TET1: variants seen among roughly 807,000 people sequenced by gnomAD.
TET1 encodes the protein methylcytosine dioxygenase TET1.
Under a neutral mutation model 148.7 loss-of-function variants are expected in TET1, and 13 were observed. The ratio of observed to expected loss-of-function variants is 0.09; its 90% CI spans 0.06 to 0.14. The LOEUF (loss-of-function observed/expected upper bound fraction) is 0.14. Among genes scored for constraint, TET1 ranks in the 10% least tolerant of loss-of-function variants. The pLI is 1.00. For missense variants in TET1, 2,182 were observed against 2,553.8 expected, an observed-to-expected ratio of 0.85 and a Z score of 3.14; for synonymous variants, 907 against 937.2, an observed-to-expected ratio of 0.97 and a Z score of 0.59.
In TET1 at chr10:68,573,649, A is replaced by G; in HGVS notation, c.1311A>G (p.Pro437=). 6.2e-7 allele frequency: 1 copy of G among 1,614,146 alleles called. No homozygotes were observed. The highest frequency in any genetic ancestry group is 8.5e-7 in the Non-Finnish European group (1 of 1,180,042). ...TGCCTGTCTTCCTTCCTGTTCCTCCAAATCCAATTGCTACCTTTAATGCTC... is the reference window on the plus strand; with the variant it reads ...TGCCTGTCTTCCTTCCTGTTCCTCCGAATCCAATTGCTACCTTTAATGCTC... ...PDLPVFLPVP[P]NPIATFNAPS... is the part of the protein sequence containing the mutation. Residue 437 remains proline (P), a synonymous_variant, in exon 2 of 12, where the codon CCA becomes CCG. Coordinates refer to ENST00000373644, the MANE Select transcript of TET1 (RefSeq NM_030625.3).
At chr10:68,682,524 G>A (rs902708228) in intron 9 of TET1, among the ~76,000 whole-genome samples, 2 of 152,062 alleles carry the variant, frequency 1.3e-5, no homozygotes, top group African/African-American at 2.4e-5. Flanking sequence ...TGATTAATGC[G>A]CTTTTATTGG....
At position 68,645,256 on chromosome 10, in the gene TET1, A is replaced by G; in HGVS notation, c.2527A>G (p.Ile843Val). 1 of 1,614,154 alleles carries G rather than the reference A, an allele frequency of 6.2e-7. No homozygotes were observed. Among genetic ancestry groups the G allele is most frequent in the Non-Finnish European group, 8.5e-7 (1 of 1,179,994 alleles). ...SSIPHSSHSIINHHASIHNEG... is the reference protein window; with the variant it reads ...SSIPHSSHSIVNHHASIHNEG... ...CATTCCACATTCTTCACACTCCATC[A>G]TAAATCATCATGCTAGTATACACAA... is the stretch of plus-strand genomic sequence containing the variant. The change falls in exon 4 of 12, where the codon ATA (isoleucine) becomes GTA (valine). Residue 843 changes from isoleucine (I) to valine (V), a missense_variant. Transcript: ENST00000373644.
chr10:68,569,049 CA>C (rs2053637166), intron 1 of TET1, among the ~76,000 whole-genome samples: 1 of 151,528 alleles, frequency 6.6e-6, no homozygotes, highest in African/African-American at 2.4e-5. Flanking sequence ...CCTAATTTGT[CA>C]ATACTGTCTC....
chr10:68,636,246 T>C (rs956346640), intron 3 of TET1, among the ~76,000 whole-genome samples: 1 of 152,186 alleles, frequency 6.6e-6, no homozygotes, highest in East Asian at 1.9e-4. Flanking sequence ...AGTCATGATT[T>C]GCTACACATT....
chr10:68,651,577 G>C (rs1434183023), intron 4 of TET1, among the ~76,000 whole-genome samples: 1 of 151,864 alleles, frequency 6.6e-6, no homozygotes, highest in African/African-American at 2.4e-5. Flanking sequence ...CAGGAGATAG[G>C]AGTATAAATA....
At chr10:68,610,483 C>T (rs988419501) in intron 3 of TET1, among the ~76,000 whole-genome samples, 9 of 151,034 alleles carry the variant, frequency 6.0e-5, no homozygotes, top group African/African-American at 1.7e-4. Context: ...CCCAGCTACT[C>T]GGGAAGCTGA....
chr10:68,688,850 A>G (rs114675048), intron 11 of TET1, among the ~76,000 whole-genome samples: 2,826 of 152,240 alleles, frequency 0.019, 88 homozygotes, highest in African/African-American at 0.064. Flanking sequence ...AAAATCATGA[A>G]TTCATACTGA....
At chr10:68,607,691 A>G (rs1234065493) in intron 3 of TET1, among the ~76,000 whole-genome samples, 3 of 151,318 alleles carry the variant, frequency 2.0e-5, no homozygotes, top group African/African-American at 7.3e-5. Context: ...CCCAAAGTGC[A>G]GGCCTGCACC....
At chr10:68,681,758 G>A (rs530228552) in intron 9 of TET1, among the ~76,000 whole-genome samples, 1 of 152,198 alleles carries the variant, frequency 6.6e-6, no homozygotes, top group African/African-American at 2.4e-5. Flanking sequence ...CCTGAGGTCA[G>A]GAGTTCAAGA....
intron 2 of TET1, among the ~76,000 whole-genome samples, chr10:68,589,671 T>A (rs1201049212): frequency 1.5e-5 from 2 of 131,714 alleles, no homozygotes; most frequent in East Asian, 4.2e-4. Context: ...AATTTTTTTT[T>A]TTTTTTTTTT....
chr10:68,583,705 G>A (rs1264695157), intron 2 of TET1, among the ~76,000 whole-genome samples: 3 of 152,100 alleles, frequency 2.0e-5, no homozygotes, highest in Non-Finnish European at 4.4e-5. Context: ...GACGTCAAGA[G>A]ATCAAGACCA....
At chr10:68,649,347 C>T (rs2054897211) in intron 4 of TET1, among the ~76,000 whole-genome samples, 1 of 152,128 alleles carries the variant, frequency 6.6e-6, no homozygotes, top group Non-Finnish European at 1.5e-5. Flanking sequence ...GTGGCTCACG[C>T]CTGTAATCCC....
At chr10:68,593,725 G>A (rs2053946142) in intron 2 of TET1, among the ~76,000 whole-genome samples, 1 of 151,938 alleles carries the variant, frequency 6.6e-6, no homozygotes, top group African/African-American at 2.4e-5. Context: ...CGATTATCCT[G>A]CCTCAGCCTC....
chr10:68,563,869 A>G (rs986244313), intron 1 of TET1, among the ~76,000 whole-genome samples: 4 of 152,018 alleles, frequency 2.6e-5, no homozygotes, highest in African/African-American at 9.7e-5. Context: ...TTTAGTAGAG[A>G]TGGGGTTTTA....
At chr10:68,639,966 C>T (rs952134362) in intron 3 of TET1, among the ~76,000 whole-genome samples, 12 of 152,198 alleles carry the variant, frequency 7.9e-5, no homozygotes, top group East Asian at 1.9e-4. Context: ...CTCGCCCTGT[C>T]GCCCAGGCTG....
chr10:68,661,021 TTTTTTG>T (rs1251851027), intron 6 of TET1, among the ~76,000 whole-genome samples: 2 of 151,164 alleles, frequency 1.3e-5, no homozygotes, highest in Admixed American at 1.3e-4. Flanking sequence ...ATATTAGTTG[TTTTTTG>T]TTTTTGTTTT....
At chr10:68,667,844 A>G (rs1463265755) in intron 7 of TET1, among the ~76,000 whole-genome samples, 1 of 152,200 alleles carries the variant, frequency 6.6e-6, no homozygotes, top group East Asian at 1.9e-4. Flanking sequence ...TAGAGTCTGG[A>G]GGAAAGGGAT....
intron 3 of TET1, 61 bp downstream of exon 3, chr10:68,601,095 G>A: frequency 1.4e-6 from 2 of 1,437,910 alleles, no homozygotes; most frequent in South Asian, 2.5e-5. Context: ...GTATTTTTCT[G>A]CACTTGGGTA....
intron 6 of TET1, among the ~76,000 whole-genome samples, chr10:68,660,146 A>C (rs1345447829): frequency 6.6e-6 from 1 of 152,210 alleles, no homozygotes; most frequent in East Asian, 1.9e-4. Context: ...TATGCTGCCC[A>C]GATCATTTGT....
Sources: gnomAD v4.1 joint callset for allele counts (sites outside exome capture counted in the v4.1 genomes callset) on GRCh38, gnomAD v4.1.1 for gene constraint, MANE v1.5 for transcripts, NCBI Gene and HGNC (gene_info 2026-07-23, HGNC 2026-07-21) for gene names.